MAN1A1: variants seen among roughly 807,000 people sequenced by gnomAD.
MAN1A1 encodes mannosidase alpha class 1A member 1.
A neutral mutation model predicts 70.8 loss-of-function variants in MAN1A1; 29 were observed. The observed-to-expected ratio is 0.41, with a 90% CI of 0.31 to 0.56. The LOEUF (loss-of-function observed/expected upper bound fraction) is 0.56, where lower values mean the gene tolerates loss of function less well. Ranked by LOEUF, MAN1A1 falls within the 20% of genes least tolerant of loss-of-function variation. MAN1A1 has a pLI of 0.29. For missense variants in MAN1A1, 747 were observed against 841.3 expected (o/e 0.89, Z 1.39); for synonymous variants, 349 against 330.1 (o/e 1.06, Z -0.62).
intron 7 of MAN1A1, among the ~76,000 whole-genome samples, chr6:119,203,218 G>A (rs1277715979): frequency 3.3e-5 from 5 of 152,162 alleles, no homozygotes; most frequent in African/African-American, 1.2e-4. Context: ...AGAGTTAACG[G>A]GACAGGGTGA....
chr6:119,203,770 C>T (rs73517421), intron 7 of MAN1A1, among the ~76,000 whole-genome samples: 43 of 152,100 alleles, frequency 2.8e-4, no homozygotes, highest in African/African-American at 8.4e-4. Flanking sequence ...GCGTTAAGTC[C>T]GAGGCATTTT....
chr6:119,241,672 AT>A (rs1487269442), intron 6 of MAN1A1, among the ~76,000 whole-genome samples: 5 of 152,188 alleles, frequency 3.3e-5, no homozygotes, highest in African/African-American at 1.2e-4. Flanking sequence ...CAATAATTAA[AT>A]TGACCATCAG....
chr6:119,339,711 A>G (rs195082), intron 2 of MAN1A1, among the ~76,000 whole-genome samples: 26,950 of 152,110 alleles, frequency 0.18, 2,698 homozygotes, highest in Admixed American at 0.29. Flanking sequence ...AACCTATTCT[A>G]TCCTTTGATA....
At chr6:119,310,512 G>T (rs1772672443) in intron 2 of MAN1A1, among the ~76,000 whole-genome samples, 1 of 152,200 alleles carries the variant, frequency 6.6e-6, no homozygotes, top group African/African-American at 2.4e-5. Flanking sequence ...CTCAAAGGCA[G>T]ATTGCTGAGA....
Position 119,348,941 on chromosome 6 carries a change from A to G in MAN1A1, c.125T>C (p.Phe42Ser). 1.3e-6 allele frequency: 2 copies of G among 1,532,674 alleles called. No individual in the cohort carries two copies. Among genetic ancestry groups the G allele is most frequent in the Non-Finnish European group, 1.8e-6 (2 of 1,139,924 alleles). 94.9% of individuals were successfully genotyped at this position (1,532,674 alleles called of 1,614,324 possible). A position where few individuals can be genotyped will look rare whatever the true frequency, so the allele number is the denominator to read the frequency against. The change falls in exon 2 of 13, where the codon TTC becomes TCC. Residue 42 changes from phenylalanine (F) to serine (S), a missense_variant. Phe to Ser is a radical substitution (Grantham distance 155, BLOSUM62 -2). This residue lies in a region of MAN1A1 where 328 missense variants were observed against 293.1 expected (regional missense o/e 1.12). Transcript: ENST00000368468. ...GPAALRLTEKFVLLLVFSAFI... is the reference protein window; with the variant it reads ...GPAALRLTEKSVLLLVFSAFI... ...GGCGCTGAATACCAGCAGCAGCACG[A>G]ACTTCTCCGTCAGGCGGAGGGCGGC...
At chr6:119,212,015 T>C (rs574503343) in intron 6 of MAN1A1, among the ~76,000 whole-genome samples, 2 of 152,098 alleles carry the variant, frequency 1.3e-5, no homozygotes, top group South Asian at 4.2e-4. Flanking sequence ...TAATTTTTTG[T>C]ATTTTTAGCA....
At chr6:119,198,448 C>T (rs1773631933) in intron 8 of MAN1A1, among the ~76,000 whole-genome samples, 1 of 152,158 alleles carries the variant, frequency 6.6e-6, no homozygotes, top group African/African-American at 2.4e-5. Flanking sequence ...TGGTGGCCCT[C>T]AAACTGTTGA....
intron 7 of MAN1A1, among the ~76,000 whole-genome samples, chr6:119,204,360 T>C (rs1272418912): frequency 1.3e-5 from 2 of 152,174 alleles, no homozygotes; most frequent in Non-Finnish European, 2.9e-5. Flanking sequence ...TATCCAAATA[T>C]TTGGTTTGCT....
Position 119,263,243 on chromosome 6 carries a change from AATT to A in MAN1A1, c.898-14892_898-14890del, listed in dbSNP as rs200186631. ...ATAGTTTATTAAATATTAACTTAAT[AATT>A]ATATTTTATTAAGTATTAATTTAAT... On this transcript the variant is annotated intron_variant, in intron 5 of 12. Transcript: ENST00000368468. 6.2e-3 allele frequency among the ~76,000 whole-genome samples: 937 copies of A among 152,054 alleles called. 6 individuals carry two copies. Among genetic ancestry groups the A allele is most frequent in the African/African-American group, 0.021 (873 of 41,530 alleles).
chr6:119,258,282 T>C (rs931840507), intron 5 of MAN1A1, among the ~76,000 whole-genome samples: 8 of 152,354 alleles, frequency 5.3e-5, no homozygotes, highest in Non-Finnish European at 8.8e-5. Context: ...TAGCCTCATC[T>C]GTGCATATAC....
intron 7 of MAN1A1, among the ~76,000 whole-genome samples, chr6:119,203,936 G>C (rs1359454428): frequency 6.6e-6 from 1 of 152,052 alleles, no homozygotes; most frequent in Non-Finnish European, 1.5e-5. Flanking sequence ...CAACAATGTA[G>C]GGAGTGAATA....
intron 2 of MAN1A1, among the ~76,000 whole-genome samples, chr6:119,332,512 T>C (rs1038611473): frequency 1.3e-5 from 2 of 152,206 alleles, no homozygotes; most frequent in Admixed American, 1.3e-4. Context: ...TGGAAATTAA[T>C]AGCTGAGGTT....
intron 6 of MAN1A1, among the ~76,000 whole-genome samples, chr6:119,248,032 C>T (rs1233227194): frequency 6.6e-6 from 1 of 152,118 alleles, no homozygotes; most frequent in African/African-American, 2.4e-5. Context: ...TCGTGTCTGG[C>T]CTGAATGACT....
intron 5 of MAN1A1, among the ~76,000 whole-genome samples, chr6:119,255,057 C>G (rs1775423896): frequency 6.6e-6 from 1 of 152,130 alleles, no homozygotes; most frequent in South Asian, 2.1e-4. Context: ...CAGATAGTAT[C>G]AGACAAGGCT....
chr6:119,248,117 C>T, intron 6 of MAN1A1, 143 bp downstream of exon 6: 2 of 605,706 alleles, frequency 3.3e-6, no homozygotes, highest in East Asian at 5.6e-5. Context: ...TAGCTGCCAA[C>T]AAAAAGACAG....
chr6:119,197,271 T>C (rs1173669405), intron 8 of MAN1A1, among the ~76,000 whole-genome samples: 3 of 146,804 alleles, frequency 2.0e-5, no homozygotes, highest in Non-Finnish European at 4.5e-5. Context: ...CACTGCACAC[T>C]ACCCTGGGCG....
chr6:119,273,205 G>T (rs1031596791), intron 5 of MAN1A1, among the ~76,000 whole-genome samples: 1 of 152,054 alleles, frequency 6.6e-6, no homozygotes, highest in Non-Finnish European at 1.5e-5. Context: ...AATATTTTCT[G>T]ATCAAAAGAA....
In MAN1A1 at chr6:119,349,189, T is replaced by C. The variant is rs536677033; in HGVS notation, c.-124A>G. On this transcript the variant is annotated 5_prime_UTR_variant, in exon 2 of 13. Coordinates refer to ENST00000368468, the MANE Select transcript of MAN1A1 (RefSeq NM_005907.4). ...GGCCGCCCGACCCCCTCGGCTGGGCTGCGGATCCTCCCTGGGGGAACAACT... is the reference window on the plus strand; with the variant it reads ...GGCCGCCCGACCCCCTCGGCTGGGCCGCGGATCCTCCCTGGGGGAACAACT... 5.3e-3 allele frequency: 6,482 copies of C among 1,227,886 alleles called. 25 individuals are homozygous for C. The highest frequency in any genetic ancestry group is 5.9e-3 in the Non-Finnish European group (5,790 of 986,216). 76.1% of individuals were successfully genotyped at this position (1,227,886 alleles called of 1,614,324 possible). A position where few individuals can be genotyped will look rare whatever the true frequency, so the allele number is the denominator to read the frequency against.
intron 2 of MAN1A1, among the ~76,000 whole-genome samples, chr6:119,340,672 C>T (rs1299796253): frequency 6.6e-6 from 1 of 152,188 alleles, no homozygotes; most frequent in East Asian, 1.9e-4. Flanking sequence ...TATTAAACCA[C>T]CCTTTCAGAA....
Sources: allele counts gnomAD v4.1 joint callset (sites outside exome capture counted in the v4.1 genomes callset), GRCh38; gene constraint gnomAD v4.1.1; regional missense constraint gnomAD v4.1.1; transcripts MANE v1.5; gene names NCBI Gene and HGNC (gene_info 2026-07-23, HGNC 2026-07-21).